Variants in MYPN observed in about 807,000 individuals in gnomAD.
MYPN encodes sarcomeric protein myopalladin, 145 kDa (MYOP).
A neutral mutation model predicts 129.4 loss-of-function variants in MYPN; 63 were observed. That is an observed-to-expected ratio of 0.49 (90% CI 0.40 to 0.60). The LOEUF (loss-of-function observed/expected upper bound fraction) is 0.60, where lower values mean the gene tolerates loss of function less well. Ranked by LOEUF, MYPN falls within the 20% of genes least tolerant of loss-of-function variation. The pLI is 0.00. For synonymous variants in MYPN, 629 were observed against 600.9 expected (o/e 1.05, Z -0.68); for missense variants, 1,596 against 1,635.4 (o/e 0.98, Z 0.42).
chr10:68,204,924 G>A (rs2043788474), intron 18 of MYPN, among the ~76,000 whole-genome samples: 1 of 151,676 alleles, frequency 6.6e-6, no homozygotes, highest in African/African-American at 2.4e-5. Context: ...TAAGGAATAT[G>A]CCATGATCCC....
At chr10:68,117,756 C>G (rs2042179123) in intron 1 of MYPN, among the ~76,000 whole-genome samples, 1 of 151,576 alleles carries the variant, frequency 6.6e-6, no homozygotes, top group Non-Finnish European at 1.5e-5. Context: ...AAAATGGAGG[C>G]CATGATACAT....
At chr10:68,151,713 C>A (rs2042774408) in intron 6 of MYPN, among the ~76,000 whole-genome samples, 1 of 152,182 alleles carries the variant, frequency 6.6e-6, no homozygotes, top group Admixed American at 6.5e-5. Context: ...CAGCTAAAGT[C>A]TCCCCCTCTC....
At chr10:68,110,816 CA>C (rs1187495317) in intron 1 of MYPN, among the ~76,000 whole-genome samples, 3 of 151,962 alleles carry the variant, frequency 2.0e-5, no homozygotes, top group African/African-American at 7.3e-5. Flanking sequence ...TGACAACAAG[CA>C]AAATATTTAA....
intron 2 of MYPN, among the ~76,000 whole-genome samples, chr10:68,129,041 G>T (rs1007091696): frequency 1.3e-5 from 2 of 151,606 alleles, no homozygotes; most frequent in African/African-American, 4.9e-5. Flanking sequence ...GTTCCAAGAG[G>T]TCAGATTCTA....
chr10:68,125,951 T>C (rs2042319668), intron 2 of MYPN, among the ~76,000 whole-genome samples: 1 of 152,150 alleles, frequency 6.6e-6, no homozygotes, highest in South Asian at 2.1e-4. Flanking sequence ...ATCACTGCAG[T>C]ATTATGTAAT....
chr10:68,126,346 G>T (rs1208811308), intron 2 of MYPN, among the ~76,000 whole-genome samples: 2 of 152,148 alleles, frequency 1.3e-5, no homozygotes, highest in Non-Finnish European at 2.9e-5. Flanking sequence ...TGACTTCGAA[G>T]AACCTTGAAA....
chr10:68,107,796 G>C (rs1327602650), upstream of MYPN, among the ~76,000 whole-genome samples: 1 of 152,116 alleles, frequency 6.6e-6, no homozygotes, highest in Non-Finnish European at 1.5e-5. Flanking sequence ...CTGGGTGAAA[G>C]GTAGAATACC....
In MYPN at chr10:68,174,185, A is replaced by G. The variant is rs181355189; in HGVS notation, c.2093A>G (p.Asn698Ser). 8.4e-5 allele frequency: 136 copies of G among 1,613,976 alleles called. 3 individuals are homozygous for G. The East Asian group carries it at 1.6e-3, about 20-fold the overall frequency. ...TTCAGCATGACTGTTTTGAACTCCA[A>G]TGCTCCCCCAGCGGTGACAACATCC... ...FPFSMTVLNS[N>S]APPAVTTSSK... The change falls in exon 11 of 20, where the codon AAT (asparagine) becomes AGT (serine). Residue 698 changes from asparagine to serine, a missense_variant. Transcript: ENST00000358913.
Position 68,175,330 on chromosome 10 carries a change from C to A in MYPN, c.2572C>A (p.Gln858Lys). The A allele has an allele frequency of 2.5e-6, 4 of 1,613,884 alleles. No homozygotes were observed. In the South Asian group the frequency reaches 4.4e-5, roughly 18 times the overall value. Residue 858 changes from glutamine to lysine, a missense_variant, in exon 12 of 20, where the codon CAG (glutamine) becomes AAG (lysine). By Grantham distance (53) the Gln-to-Lys change is moderately conservative. Coordinates refer to ENST00000358913, the MANE Select transcript of MYPN (RefSeq NM_032578.4). ...LPRSAPSMPS[Q>K]GLAKKNTKSP... Reference sequence around the variant, plus strand: ...TGTGGATTTATCTTACAGGCCATCCCAGGGATTAGCGAAGAAAAATACAAA... The same window carrying A: ...TGTGGATTTATCTTACAGGCCATCCAAGGGATTAGCGAAGAAAAATACAAA...
chr10:68,209,663 A>G, intron 19 of MYPN, among the ~76,000 whole-genome samples: 1 of 111,608 alleles, frequency 9.0e-6, no homozygotes, highest in Non-Finnish European at 1.7e-5. Flanking sequence ...ATCTTATAGA[A>G]TTCTTTTCTT....
chr10:68,159,182 G>A (rs566373431), intron 7 of MYPN, among the ~76,000 whole-genome samples: 55 of 152,146 alleles, frequency 3.6e-4, no homozygotes, highest in Non-Finnish European at 6.5e-4. Flanking sequence ...CAATTAATCA[G>A]CCAAAATGAG....
At chr10:68,208,461 C>T (rs1398256718) in intron 19 of MYPN, among the ~76,000 whole-genome samples, 5 of 152,154 alleles carry the variant, frequency 3.3e-5, no homozygotes. Flanking sequence ...GTACTTTTCC[C>T]TGGAGAAATC....
chr10:68,205,455 G>A (rs2043798003), intron 18 of MYPN, among the ~76,000 whole-genome samples: 1 of 151,254 alleles, frequency 6.6e-6, no homozygotes, highest in South Asian at 2.1e-4. Context: ...GAGGAGGGTG[G>A]ATCACCTGAG....
chr10:68,182,465 C>CATATATATAACATATATATATAACATAT (rs372702266), intron 12 of MYPN, among the ~76,000 whole-genome samples: 1 of 89,390 alleles, frequency 1.1e-5, no homozygotes, highest in African/African-American at 4.4e-5. Context: ...ATATATATAA[C>CATATATATAACATATATATATAACATAT]ATATATACAC....
chr10:68,100,435 G>A lies in MYPN; in HGVS notation c.-2+12443G>A, dbSNP rs74143006. On this transcript the variant is annotated intron_variant, in intron 1 of 6. Transcript: ENST00000685154. ...CTGGGCAAACAGGAAACAGTCTGTG[G>A]CTTGAGTGGGATCCCCAAAACCAGC... Among the ~76,000 whole-genome samples, 853 of 152,274 alleles carry A rather than the reference G, an allele frequency of 5.6e-3. 8 individuals are homozygous for A. Among genetic ancestry groups the A allele is most frequent in the African/African-American group, 0.02 (819 of 41,564 alleles).
At chr10:68,134,529 G>T (rs918477729) in intron 2 of MYPN, among the ~76,000 whole-genome samples, 1 of 152,154 alleles carries the variant, frequency 6.6e-6, no homozygotes, top group African/African-American at 2.4e-5. Context: ...AGACATGGTG[G>T]CTCATGCCCG....
chr10:68,182,445 TATATA>T (rs1564687219), intron 12 of MYPN, among the ~76,000 whole-genome samples: 14 of 101,950 alleles, frequency 1.4e-4, no homozygotes, highest in African/African-American at 5.1e-4. Context: ...ATATAACATA[TATATA>T]ACATATATAT....
In MYPN at chr10:68,142,975, C is replaced by T. The variant is rs1355342090; in HGVS notation, c.938C>T (p.Pro313Leu). Residue 313 changes from proline to leucine, a missense_variant, in exon 3 of 20, where the codon CCA becomes CTA. Physicochemically the swap from Pro to Leu is moderately conservative, Grantham distance 98 (BLOSUM62 -3). Coordinates refer to ENST00000358913, the MANE Select transcript of MYPN (RefSeq NM_032578.4). ...GAAGGCAAGGAGCTTGAAAATTCCC[C>T]AGATATTCACATCGTCCAGGCAGGA... ...YCEGKELENS[P>L]DIHIVQAGNL... 6.2e-7 allele frequency: 1 copy of T among 1,614,162 alleles called. No homozygotes were observed. Among genetic ancestry groups the T allele is most frequent in the East Asian group, 2.2e-5 (1 of 44,872 alleles).
chr10:68,181,822 C>T (rs1029889178), intron 12 of MYPN, among the ~76,000 whole-genome samples: 1 of 152,010 alleles, frequency 6.6e-6, no homozygotes, highest in Non-Finnish European at 1.5e-5. Context: ...CCTGTGTCCT[C>T]CTAACTGTAG....
Sources: allele counts gnomAD v4.1 joint callset (sites outside exome capture counted in the v4.1 genomes callset), GRCh38; gene constraint gnomAD v4.1.1; transcripts MANE v1.5; gene names NCBI Gene and HGNC (gene_info 2026-07-23, HGNC 2026-07-21).